The following CDK14 variants were observed in gnomAD, a reference collection of about 807,000 sequenced individuals.
The protein encoded by CDK14 is cyclin-dependent kinase 14.
CDK14 carries 34 observed loss-of-function variants against 60.7 expected under a neutral mutation model. The ratio of observed to expected loss-of-function variants is 0.56; its 90% confidence interval spans 0.43 to 0.75. The LOEUF (loss-of-function observed/expected upper bound fraction) is 0.75, where lower values mean the gene tolerates loss of function less well. CDK14 is among the 30% of genes least tolerant of loss of function. CDK14 has a pLI of 0.00. For missense variants in CDK14, 482 were observed against 564.1 expected, an observed-to-expected ratio of 0.85 and a Z score of 1.47; for synonymous variants, 197 against 203.7, an observed-to-expected ratio of 0.97 and a Z score of 0.28.
chr7:90,838,386 C>A lies in CDK14; in HGVS notation c.545-24789C>A, dbSNP rs528178337. 3.9e-5 allele frequency among the ~76,000 whole-genome samples: 6 copies of A among 152,118 alleles called. No individual in the cohort carries two copies. In the South Asian group the frequency reaches 6.3e-4, roughly 16 times the overall value. ...AAATTGTAAAACATGAGTGTTTGAA[C>A]AATATGAAATCAGTGCACCCTGAAA... On this transcript the variant is annotated intron_variant, in intron 5 of 14. Coordinates refer to ENST00000380050, the MANE Select transcript of CDK14 (RefSeq NM_001287135.2).
At chr7:90,933,501 G>A (rs541663719) in intron 8 of CDK14, among the ~76,000 whole-genome samples, 3 of 152,176 alleles carry the variant, frequency 2.0e-5, no homozygotes, top group South Asian at 2.1e-4. Context: ...ATAACAGTTC[G>A]AGAAGTTATG....
At chr7:90,726,879 G>A in intron 3 of CDK14, 67 bp downstream of exon 3, 9 of 1,556,272 alleles carry the variant, frequency 5.8e-6, no homozygotes, top group Non-Finnish European at 7.8e-6. Flanking sequence ...ATAGCATGCG[G>A]TGCTGGAAGA....
At chr7:90,810,197 T>G (rs1226900458) in intron 5 of CDK14, among the ~76,000 whole-genome samples, 2 of 152,178 alleles carry the variant, frequency 1.3e-5, no homozygotes, top group African/African-American at 4.8e-5. Flanking sequence ...ATATCCCTCA[T>G]GAACATCGAT....
At chr7:90,813,531 TG>T (rs1166225261) in intron 5 of CDK14, among the ~76,000 whole-genome samples, 2 of 152,160 alleles carry the variant, frequency 1.3e-5, no homozygotes, top group African/African-American at 4.8e-5. Context: ...GTGGATCACC[TG>T]AGGTCAGACG....
At chr7:90,962,186 T>G (rs1258207791) in intron 9 of CDK14, among the ~76,000 whole-genome samples, 1 of 125,588 alleles carries the variant, frequency 8.0e-6, no homozygotes, top group Non-Finnish European at 1.7e-5. Context: ...TCTATTTTTA[T>G]GTCAAAAATC....
At chr7:91,138,917 C>T (rs1341183950) in intron 14 of CDK14, among the ~76,000 whole-genome samples, 1 of 152,120 alleles carries the variant, frequency 6.6e-6, no homozygotes, top group Non-Finnish European at 1.5e-5. Context: ...TTTGTTGCCT[C>T]GATTCTGGCT....
intron 14 of CDK14, among the ~76,000 whole-genome samples, chr7:91,189,745 T>C (rs1370049751): frequency 1.3e-5 from 2 of 152,234 alleles, no homozygotes; most frequent in Admixed American, 1.3e-4. Flanking sequence ...CTTGTATGGC[T>C]TGTGGTATTT....
chr7:91,181,193 C>T (rs909501596), intron 14 of CDK14, among the ~76,000 whole-genome samples: 1 of 152,090 alleles, frequency 6.6e-6, no homozygotes, highest in African/African-American at 2.4e-5. Flanking sequence ...GTCTGAATTT[C>T]TTCCCTCCCT....
intron 9 of CDK14, among the ~76,000 whole-genome samples, chr7:90,969,535 TGC>T: frequency 6.6e-6 from 1 of 152,210 alleles, no homozygotes. Context: ...TTAATACATT[TGC>T]AGAGAGAAGC....
chr7:91,010,331 T>C (rs1180184186), intron 10 of CDK14, among the ~76,000 whole-genome samples: 1 of 152,140 alleles, frequency 6.6e-6, no homozygotes, highest in Non-Finnish European at 1.5e-5. Context: ...GAGATTATAT[T>C]GAATTTATAG....
At chr7:90,951,606 C>G (rs1041341234) in intron 8 of CDK14, among the ~76,000 whole-genome samples, 2 of 152,110 alleles carry the variant, frequency 1.3e-5, no homozygotes, top group Non-Finnish European at 2.9e-5. Flanking sequence ...GCTTAAATCC[C>G]TAGCCAATTT....
At chr7:90,870,100 C>T (rs1369388801) in intron 6 of CDK14, among the ~76,000 whole-genome samples, 1 of 152,082 alleles carries the variant, frequency 6.6e-6, no homozygotes, top group African/African-American at 2.4e-5. Flanking sequence ...TGTCAAGATT[C>T]ATAAAATACC....
chr7:90,736,885 A>G (rs1803137815), intron 3 of CDK14, among the ~76,000 whole-genome samples: 1 of 152,220 alleles, frequency 6.6e-6, no homozygotes, highest in African/African-American at 2.4e-5. Context: ...TCAAGGAACC[A>G]AGAATGCCTT....
At chr7:91,148,610 C>G (rs915459549) in intron 14 of CDK14, among the ~76,000 whole-genome samples, 2 of 152,138 alleles carry the variant, frequency 1.3e-5, no homozygotes, top group African/African-American at 4.8e-5. Flanking sequence ...AGTGTCCACT[C>G]TTAAGGACAT....
At chr7:90,893,199 T>G (rs1333940493) in intron 6 of CDK14, among the ~76,000 whole-genome samples, 1 of 152,148 alleles carries the variant, frequency 6.6e-6, no homozygotes, top group African/African-American at 2.4e-5. Flanking sequence ...AGGTGTAACC[T>G]TGTCAGACAC....
At position 91,114,521 on chromosome 7, in the gene CDK14, A is replaced by G. The variant is rs369121437; in HGVS notation, c.1294+1840A>G. Among the ~76,000 whole-genome samples the G allele has an allele frequency of 1.7e-4, 26 of 152,292 alleles. No homozygotes were observed. The South Asian group carries it at 5.4e-3, about 32-fold the overall frequency. On this transcript the variant is annotated intron_variant, in intron 13 of 14. Transcript: ENST00000380050. ...ACAGATTAAGAATTTTGGCTGCATTAATCCCTTTATCAGCTCACAGCAGGC... is the reference window on the plus strand; with the variant it reads ...ACAGATTAAGAATTTTGGCTGCATTGATCCCTTTATCAGCTCACAGCAGGC...
At chr7:90,943,323 G>A (rs1793989672) in intron 8 of CDK14, among the ~76,000 whole-genome samples, 1 of 152,138 alleles carries the variant, frequency 6.6e-6, no homozygotes. Flanking sequence ...CTCTTAGGGA[G>A]TATATTTTGT....
chr7:91,176,877 G>T (rs1801781782), intron 14 of CDK14, among the ~76,000 whole-genome samples: 1 of 152,056 alleles, frequency 6.6e-6, no homozygotes. Flanking sequence ...TTCTACCAGA[G>T]GTACAAGGAG....
At chr7:91,121,157 A>T (rs552403311) in intron 14 of CDK14, among the ~76,000 whole-genome samples, 1 of 152,336 alleles carries the variant, frequency 6.6e-6, no homozygotes, top group East Asian at 1.9e-4. Flanking sequence ...TATGTAGATA[A>T]GGTATCCTTA....
Sources: allele counts gnomAD v4.1 joint callset (sites outside exome capture counted in the v4.1 genomes callset), GRCh38; gene constraint gnomAD v4.1.1; transcripts MANE v1.5; gene names NCBI Gene and HGNC (gene_info 2026-07-23, HGNC 2026-07-21).